Variants in SATL1 observed in about 807,000 individuals in gnomAD.
The protein encoded by SATL1 is spermidine/spermine N(1)-acetyltransferase-like protein 1.
Under a neutral mutation model 51.8 loss-of-function variants are expected in SATL1, and 47 were observed. That is an observed-to-expected ratio of 0.91 (90% CI 0.72 to 1.16). The LOEUF is 1.16. SATL1 is among the 50% of genes most tolerant of loss of function. SATL1 has a pLI of 0.00. For synonymous variants in SATL1, 176 were observed against 182.4 expected (o/e 0.97, Z 0.28); for missense variants, 520 against 526.4 (o/e 0.99, Z 0.12).
intron 2 of SATL1, among the ~76,000 whole-genome samples, chrX:85,135,180 G>A (rs1015460071): frequency 1.8e-5 from 2 of 110,354 alleles, no homozygotes; most frequent in African/African-American, 6.6e-5. Flanking sequence ...GTCGGTGGGG[G>A]ACGGGGGTAG....
chrX:85,112,645 G>C (rs1446973438), intron 2 of SATL1, among the ~76,000 whole-genome samples: 1 of 111,190 alleles, frequency 9.0e-6, no homozygotes, highest in African/African-American at 3.3e-5. Flanking sequence ...TAATCCTAGA[G>C]GGTCATATAC....
chrX:85,128,861 A>G (rs1037692380), intron 2 of SATL1, among the ~76,000 whole-genome samples: 1 of 112,238 alleles, frequency 8.9e-6, no homozygotes, highest in Non-Finnish European at 1.9e-5. Context: ...AGCTTTCTAC[A>G]TATGACTAGC....
chrX:85,224,846 A>C (rs1052703699), intron 1 of SATL1, among the ~76,000 whole-genome samples: 2 of 110,370 alleles, frequency 1.8e-5, no homozygotes, highest in Non-Finnish European at 3.8e-5. Flanking sequence ...ATTTCTTTGT[A>C]ACAGCCAAAA....
intron 2 of SATL1, among the ~76,000 whole-genome samples, chrX:85,123,256 G>A (rs1343708548): frequency 7.2e-5 from 8 of 111,384 alleles, no homozygotes; most frequent in Non-Finnish European, 1.5e-4. Context: ...TTTCTACAGT[G>A]GCTAAGCTAA....
intron 2 of SATL1, among the ~76,000 whole-genome samples, chrX:85,176,776 A>C (rs968065015): frequency 3.6e-5 from 4 of 111,046 alleles, no homozygotes; most frequent in African/African-American, 1.3e-4. Context: ...AGTCGGAAAA[A>C]ATTTTTCTCT....
At position 85,109,029 on chromosome X, in the gene SATL1, A is replaced by G; in HGVS notation, c.-61T>C. ...GGTGGCAGATGATGGGTTGGCAGAC[A>G]ACTGATTGGCTGATGGCTGTCTTGA... On this transcript the variant is annotated 5_prime_UTR_variant, in exon 3 of 8. Coordinates refer to ENST00000644105, the MANE Select transcript of SATL1 (RefSeq NM_001367857.2). The G allele has an allele frequency of 9.6e-7, 1 of 1,043,187 alleles. No individual in the cohort carries two copies. The highest frequency in any genetic ancestry group is 1.3e-6 in the Non-Finnish European group (1 of 766,752). 86.0% of individuals were successfully genotyped at this position (1,043,187 alleles called of 1,213,427 possible). A position where few individuals can be genotyped will look rare whatever the true frequency, so the allele number is the denominator to read the frequency against.
At chrX:85,153,151 T>C (rs1307248973) in intron 2 of SATL1, among the ~76,000 whole-genome samples, 1 of 110,679 alleles carries the variant, frequency 9.0e-6, no homozygotes, top group Non-Finnish European at 1.9e-5. Context: ...CTATAAAATA[T>C]AGGAGGAAAA....
At chrX:85,219,372 C>T (rs1339287504) in intron 2 of SATL1, 1 of 111,524 alleles carries the variant, frequency 9.0e-6, no homozygotes, top group African/African-American at 3.3e-5. Flanking sequence ...TTTTCTTTTC[C>T]CCCTCTCTCA....
chrX:85,187,326 T>TG (rs1927335630), intron 2 of SATL1, among the ~76,000 whole-genome samples: 1 of 111,677 alleles, frequency 9.0e-6, no homozygotes, highest in South Asian at 3.7e-4. Context: ...TTTTTTCTCT[T>TG]GCCTAAAATT....
Position 85,093,253 on chromosome X carries a change from A to C in SATL1, c.1877-28T>G. Reference sequence around the variant, plus strand: ...TTTAAATAGACAATGCAAAGTGAAAACTGCAAATTTCACTTAACTTGTTAT... The same window carrying C: ...TTTAAATAGACAATGCAAAGTGAAACCTGCAAATTTCACTTAACTTGTTAT... On this transcript the variant is annotated intron_variant, in intron 6 of 7. Coordinates refer to ENST00000644105, the MANE Select transcript of SATL1 (RefSeq NM_001367857.2). The C allele has an allele frequency of 4.4e-6, 5 of 1,142,204 alleles. No individual in the cohort carries two copies. The South Asian group carries it at 1.0e-4, about 23-fold the overall frequency. The allele number at this position is 1,142,204 out of a possible 1,213,427, so 94.1% of individuals were successfully genotyped here. A position where few individuals can be genotyped will look rare whatever the true frequency, so the allele number is the denominator to read the frequency against.
chrX:85,173,194 A>C (rs970510673), intron 2 of SATL1, among the ~76,000 whole-genome samples: 2 of 110,909 alleles, frequency 1.8e-5, no homozygotes, highest in African/African-American at 6.5e-5. Context: ...AAAATAATAA[A>C]ACCTGTAGTT....
chrX:85,231,613 A>C (rs756422130), intron 1 of SATL1, among the ~76,000 whole-genome samples: 2 of 112,322 alleles, frequency 1.8e-5, no homozygotes, highest in Non-Finnish European at 3.8e-5. Context: ...GTGCAAAGAG[A>C]GAACTTGTGT....
intron 2 of SATL1, chrX:85,210,414 AAAAAAAAAAGG>A (rs1261375292): frequency 2.4e-4 from 26 of 106,995 alleles, no homozygotes; most frequent in Admixed American, 1.5e-3. Context: ...AAAAAAAAAA[AAAAAAAAAAGG>A]AGGCACACAG....
intron 1 of SATL1, among the ~76,000 whole-genome samples, chrX:85,234,917 G>A (rs1376515861): frequency 1.8e-5 from 2 of 110,406 alleles, no homozygotes; most frequent in South Asian, 3.9e-4. Context: ...GACATAGAAT[G>A]GCTGAATGGT....
chrX:85,139,327 A>G (rs1926050796), intron 2 of SATL1, among the ~76,000 whole-genome samples: 1 of 111,888 alleles, frequency 8.9e-6, no homozygotes, highest in Admixed American at 9.5e-5. Context: ...TTGGGTACAT[A>G]TCTATACACA....
intron 2 of SATL1, among the ~76,000 whole-genome samples, chrX:85,168,279 A>C (rs1926891507): frequency 9.0e-6 from 1 of 111,229 alleles, no homozygotes. Context: ...TCCTGGCCAG[A>C]GCAATAAGGC....
intron 2 of SATL1, among the ~76,000 whole-genome samples, chrX:85,200,141 CCTCA>C (rs1210577150): frequency 9.1e-6 from 1 of 110,347 alleles, no homozygotes; most frequent in Non-Finnish European, 1.9e-5. Context: ...ACCAGAAATC[CCTCA>C]CTTTTTTTCA....
intron 2 of SATL1, among the ~76,000 whole-genome samples, chrX:85,142,383 G>A (rs895789567): frequency 2.2e-5 from 2 of 90,970 alleles, no homozygotes; most frequent in African/African-American, 4.5e-5. Context: ...GTGACAGAGC[G>A]AGACTCCATC....
intron 2 of SATL1, among the ~76,000 whole-genome samples, chrX:85,197,563 T>C (rs1278528544): frequency 9.1e-6 from 1 of 109,332 alleles, no homozygotes; most frequent in African/African-American, 3.3e-5. Flanking sequence ...TAGTTACATA[T>C]GTATACATGT....
Sources: allele counts gnomAD v4.1 joint callset (sites outside exome capture counted in the v4.1 genomes callset), GRCh38; gene constraint gnomAD v4.1.1; transcripts MANE v1.5; gene names NCBI Gene and HGNC (gene_info 2026-07-23, HGNC 2026-07-21).